The following NRXN3 variants were observed in gnomAD, a reference collection of about 807,000 sequenced individuals.
NRXN3 encodes the protein neurexin III.
In NRXN3, 32 loss-of-function variants were observed where a neutral mutation model predicts 137.6. That is an observed-to-expected ratio of 0.23 (90% confidence interval 0.18 to 0.31). The LOEUF (loss-of-function observed/expected upper bound fraction) is 0.31, where lower values mean the gene tolerates loss of function less well. Ranked by LOEUF, NRXN3 falls within the 10% of genes least tolerant of loss-of-function variation. The pLI, the probability that NRXN3 is intolerant of heterozygous loss-of-function variation, is 1.00. For missense variants in NRXN3, 1,574 were observed against 2,062.5 expected (o/e 0.76, Z 4.59); for synonymous variants, 798 against 784.5 (o/e 1.02, Z -0.29).
chr14:78,238,933 C>G (rs1036635536), intron 1 of NRXN3, among the ~76,000 whole-genome samples: 6 of 152,230 alleles, frequency 3.9e-5, no homozygotes, highest in African/African-American at 1.2e-4. Flanking sequence ...TGTTTCTGGG[C>G]AGCAGAGTTT....
intron 8 of NRXN3, among the ~76,000 whole-genome samples, chr14:78,745,672 C>T (rs1267889482): frequency 6.6e-6 from 1 of 152,192 alleles, no homozygotes; most frequent in Non-Finnish European, 1.5e-5. Context: ...ATTCTATATG[C>T]TGATAGTATC....
Position 78,753,525 on chromosome 14 carries a change from A to G in NRXN3, c.2044+38386A>G, listed in dbSNP as rs1332688709. 2.0e-5 allele frequency among the ~76,000 whole-genome samples: 3 copies of G among 152,178 alleles called. No homozygotes were observed. In the East Asian group the frequency reaches 5.8e-4, roughly 29 times the overall value. On this transcript the variant is annotated intron_variant, in intron 8 of 20. Transcript: ENST00000335750. ...TCCTGCCCCTGTGGATTAGAGGAAA[A>G]CTTCCTATTGCCCAGTAGCATTTTT...
intron 16 of NRXN3, among the ~76,000 whole-genome samples, chr14:79,536,109 G>A (rs1437064592): frequency 6.6e-6 from 1 of 152,154 alleles, no homozygotes; most frequent in African/African-American, 2.4e-5. Flanking sequence ...TTCCCCAGAG[G>A]TGGTTGCCTG....
intron 8 of NRXN3, among the ~76,000 whole-genome samples, chr14:78,725,521 A>G (rs957011499): frequency 5.3e-5 from 8 of 152,194 alleles, no homozygotes; most frequent in African/African-American, 1.4e-4. Flanking sequence ...CTGTAATGAA[A>G]CTTTCACAAG....
chr14:79,668,690 T>C (rs1463047434), intron 17 of NRXN3, among the ~76,000 whole-genome samples: 4 of 152,222 alleles, frequency 2.6e-5, no homozygotes, highest in African/African-American at 9.6e-5. Context: ...ACATCTTTGC[T>C]GTTGGTGTGT....
intron 1 of NRXN3, among the ~76,000 whole-genome samples, chr14:78,239,297 C>T (rs1014420148): frequency 6.6e-5 from 10 of 152,216 alleles, no homozygotes; most frequent in African/African-American, 2.4e-4. Flanking sequence ...CTGAAGTAAA[C>T]TTGTCCCCCA....
At chr14:78,718,937 G>A (rs2098446851) in intron 8 of NRXN3, among the ~76,000 whole-genome samples, 1 of 152,144 alleles carries the variant, frequency 6.6e-6, no homozygotes, top group Admixed American at 6.5e-5. Flanking sequence ...TTGGACAGAG[G>A]AAACAGTCTA....
At chr14:79,230,652 T>C (rs979142861) in intron 15 of NRXN3, among the ~76,000 whole-genome samples, 1 of 152,176 alleles carries the variant, frequency 6.6e-6, no homozygotes, top group African/African-American at 2.4e-5. Flanking sequence ...CATTTCTTAT[T>C]TGGTGAATTA....
At chr14:79,103,049 T>C (rs1190786909) in intron 15 of NRXN3, among the ~76,000 whole-genome samples, 1 of 152,044 alleles carries the variant, frequency 6.6e-6, no homozygotes, top group African/African-American at 2.4e-5. Flanking sequence ...TTCAAGAAAT[T>C]CAGATGGCAG....
intron 4 of NRXN3, among the ~76,000 whole-genome samples, chr14:78,501,291 G>A (rs2086220248): frequency 6.6e-6 from 1 of 152,124 alleles, no homozygotes; most frequent in Admixed American, 6.5e-5. Flanking sequence ...GGGTCGACTG[G>A]CAAAAGGTCT....
intron 17 of NRXN3, among the ~76,000 whole-genome samples, chr14:79,689,831 G>GTATT: frequency 6.6e-6 from 1 of 152,258 alleles, no homozygotes; most frequent in East Asian, 1.9e-4. Flanking sequence ...AGGGCCCTGT[G>GTATT]TATTTGGAGG....
At chr14:78,793,753 G>A (rs574215950) in intron 8 of NRXN3, among the ~76,000 whole-genome samples, 6 of 152,242 alleles carry the variant, frequency 3.9e-5, no homozygotes, top group Non-Finnish European at 7.4e-5. Context: ...GGGAAAGCAA[G>A]TGTTCATCAT....
intron 16 of NRXN3, among the ~76,000 whole-genome samples, chr14:79,541,520 C>T (rs1424848): frequency 0.27 from 41,277 of 151,984 alleles, 6,456 homozygotes; most frequent in African/African-American, 0.42. Context: ...AATAATGACA[C>T]ATTCATACAT....
chr14:79,163,830 C>A (rs1417534224), intron 15 of NRXN3, among the ~76,000 whole-genome samples: 1 of 151,856 alleles, frequency 6.6e-6, no homozygotes, highest in Non-Finnish European at 1.5e-5. Context: ...AAATCATGTC[C>A]TTTCCCATGT....
intron 16 of NRXN3, among the ~76,000 whole-genome samples, chr14:79,581,181 A>G (rs2097712822): frequency 6.6e-6 from 1 of 152,162 alleles, no homozygotes; most frequent in African/African-American, 2.4e-5. Flanking sequence ...CCTGGATCAA[A>G]TCACCGAGCC....
At chr14:78,938,908 A>G (rs1260596981) in intron 10 of NRXN3, among the ~76,000 whole-genome samples, 1 of 146,234 alleles carries the variant, frequency 6.8e-6, no homozygotes, top group African/African-American at 2.6e-5. Flanking sequence ...GCAGTGGCGC[A>G]ATCTCGGCTC....
At chr14:79,505,400 A>C (rs929854582) in intron 16 of NRXN3, among the ~76,000 whole-genome samples, 1 of 149,316 alleles carries the variant, frequency 6.7e-6, no homozygotes, top group Non-Finnish European at 1.5e-5. Context: ...CATGTCTTCC[A>C]AAAGCTTCCT....
At chr14:79,115,025 G>A (rs893796111) in intron 15 of NRXN3, among the ~76,000 whole-genome samples, 1 of 151,648 alleles carries the variant, frequency 6.6e-6, no homozygotes, top group Non-Finnish European at 1.5e-5. Flanking sequence ...GGCATCTTAA[G>A]TTTAAGATGC....
At chr14:78,355,328 C>T (rs1030425749) in intron 4 of NRXN3, among the ~76,000 whole-genome samples, 1 of 144,638 alleles carries the variant, frequency 6.9e-6, no homozygotes, top group African/African-American at 2.6e-5. Flanking sequence ...CTGGCTTGTG[C>T]AATAGGCTCT....
Sources: gnomAD v4.1 joint callset for allele counts (sites outside exome capture counted in the v4.1 genomes callset) on GRCh38, gnomAD v4.1.1 for gene constraint, MANE v1.5 for transcripts, NCBI Gene and HGNC (gene_info 2026-07-23, HGNC 2026-07-21) for gene names.